CSMD2: variants seen among roughly 807,000 people sequenced by gnomAD.
The protein encoded by CSMD2 is CUB and sushi domain-containing protein 2.
A neutral mutation model predicts 398.5 loss-of-function variants in CSMD2; 130 were observed. The ratio of observed to expected loss-of-function variants is 0.33; its 90% CI spans 0.28 to 0.38. CSMD2 has a LOEUF of 0.38. Among genes scored for constraint, CSMD2 ranks in the 10% least tolerant of loss-of-function variants. CSMD2 has a pLI of 1.00. For synonymous variants in CSMD2, 1,828 were observed against 1,908.5 expected (o/e 0.96, Z 1.10); for missense variants, 3,829 against 4,764.9 (o/e 0.80, Z 5.78).
intron 3 of CSMD2, among the ~76,000 whole-genome samples, chr1:33,990,172 T>C (rs1646501160): frequency 6.6e-6 from 1 of 152,032 alleles, no homozygotes; most frequent in Admixed American, 6.6e-5. Flanking sequence ...CTCAGGAGGC[T>C]GAGGCAGGAG....
At chr1:33,746,314 C>T (rs1248311931) in intron 13 of CSMD2, among the ~76,000 whole-genome samples, 3 of 152,118 alleles carry the variant, frequency 2.0e-5, no homozygotes, top group Non-Finnish European at 4.4e-5. Context: ...GCAGAGGGGG[C>T]AAGTCACAGG....
Position 33,657,983 on chromosome 1 carries a change from G to A in CSMD2, c.4410C>T (p.Asn1470=). ...SAEISCVKIE[N]RFFWQPSPPT... ...GCGGGCTGGGCTGCCAGAAGAACCT[G>A]TTCTCGATCTTCACACAGCTGATCT... The change falls in exon 27 of 71, where the codon AAC becomes AAT. Residue 1470 remains asparagine (N), a synonymous_variant. Transcript: ENST00000373381. The A allele has an allele frequency of 6.2e-7, 1 of 1,614,036 alleles. No individual in the cohort carries two copies. Among genetic ancestry groups the A allele is most frequent in the Non-Finnish European group, 8.5e-7 (1 of 1,179,948 alleles).
At chr1:33,744,350 C>T (rs1390030236) in intron 13 of CSMD2, among the ~76,000 whole-genome samples, 1 of 152,104 alleles carries the variant, frequency 6.6e-6, no homozygotes, top group African/African-American at 2.4e-5. Flanking sequence ...CCCCAAGATG[C>T]CACACTATGC....
chr1:33,900,374 A>AAAG (rs1642667073), intron 5 of CSMD2, among the ~76,000 whole-genome samples: 17 of 152,234 alleles, frequency 1.1e-4, no homozygotes, highest in Admixed American at 1.1e-3. Flanking sequence ...AAAGAGGGGT[A>AAAG]GATCAGGATT....
chr1:33,579,679 T>C (rs372173245), intron 48 of CSMD2, among the ~76,000 whole-genome samples: 1 of 150,066 alleles, frequency 6.7e-6, no homozygotes, highest in Non-Finnish European at 1.5e-5. Flanking sequence ...TCTTTTTTTT[T>C]AATTTTTTTT....
intron 1 of CSMD2, among the ~76,000 whole-genome samples, chr1:34,102,310 G>A (rs1388794834): frequency 6.6e-6 from 1 of 152,178 alleles, no homozygotes; most frequent in Non-Finnish European, 1.5e-5. Context: ...GATTACAGGC[G>A]TGAGCCACCG....
At chr1:33,888,872 A>G (rs12568907) in intron 5 of CSMD2, among the ~76,000 whole-genome samples, 9,835 of 151,968 alleles carry the variant, frequency 0.065, 364 homozygotes, top group Middle Eastern at 0.13. Flanking sequence ...GGTACATGCC[A>G]TTCTCCTGCC....
rs945888438 is a variant in CSMD2 at position 33,852,014 on chromosome 1, C to A, written c.921-5018G>T. Reference sequence around the variant, plus strand: ...CCTTTAAAGATTCAATTCCCGGCTACCTAGTATGTGTTTGGGGTTGGTTAC... The same window carrying A: ...CCTTTAAAGATTCAATTCCCGGCTAACTAGTATGTGTTTGGGGTTGGTTAC... On this transcript the variant is annotated intron_variant, in intron 5 of 70. Coordinates refer to ENST00000373381, the MANE Select transcript of CSMD2 (RefSeq NM_001281956.2). Among the ~76,000 whole-genome samples, 5 of 152,152 alleles carry A rather than the reference C, an allele frequency of 3.3e-5. 1 individual carries two copies. The highest frequency in any genetic ancestry group is 6.8e-3 in the Middle Eastern group (2 of 294).
At chr1:34,090,341 T>C (rs74068044) in intron 1 of CSMD2, among the ~76,000 whole-genome samples, 2,901 of 152,214 alleles carry the variant, frequency 0.019, 48 homozygotes, top group East Asian at 0.052. Flanking sequence ...CATACTCCTT[T>C]CCTGCTCCTG....
chr1:33,983,317 G>T (rs1411795899), intron 3 of CSMD2, among the ~76,000 whole-genome samples: 3 of 152,186 alleles, frequency 2.0e-5, no homozygotes, highest in Admixed American at 6.5e-5. Flanking sequence ...CAATGCAGCA[G>T]GTCTAATCAC....
intron 21 of CSMD2, chr1:33,709,492 TTGTC>T (rs1470375377): frequency 7.6e-6 from 4 of 527,038 alleles, no homozygotes; most frequent in African/African-American, 1.9e-5. Context: ...CTTGTGCTGT[TTGTC>T]TGTCTCTCTC....
rs1406849632 is a variant in CSMD2, at chr1:33,918,059, A to T, written c.920+35T>A. On this transcript the variant is annotated intron_variant, in intron 5 of 70. Transcript: ENST00000373381. ...ATCCCAGTAATTCACAGTTGCAGAG[A>T]ATAGGGTAGGAAAGGAAGGTGATGT... The T allele has an allele frequency of 1.9e-6, 3 of 1,592,722 alleles. No homozygotes were observed. In the African/African-American group the frequency reaches 4.0e-5, roughly 21 times the overall value.
At chr1:34,129,646 T>C (rs1663123733) in intron 1 of CSMD2, among the ~76,000 whole-genome samples, 1 of 152,164 alleles carries the variant, frequency 6.6e-6, no homozygotes. Flanking sequence ...AGCAAGACTC[T>C]GTCTCAAAAA....
Position 33,532,730 on chromosome 1 carries a change from T to C in CSMD2, c.10171+320A>G, listed in dbSNP as rs973477841. On this transcript the variant is annotated intron_variant, in intron 64 of 70. Transcript: ENST00000373381. ...CCCCAAGGGACCTACAGGCGGGTGCTGTTTTATCAAGGGTGCAATATGTGT... is the reference window on the plus strand; with the variant it reads ...CCCCAAGGGACCTACAGGCGGGTGCCGTTTTATCAAGGGTGCAATATGTGT... Among the ~76,000 whole-genome samples, 6 of 152,270 alleles carry C rather than the reference T, an allele frequency of 3.9e-5. No individual in the cohort carries two copies. In the East Asian group the frequency reaches 1.2e-3, roughly 29 times the overall value.
intron 2 of CSMD2, among the ~76,000 whole-genome samples, chr1:34,087,263 C>T (rs1657987155): frequency 6.6e-6 from 1 of 152,014 alleles, no homozygotes; most frequent in Non-Finnish European, 1.5e-5. Context: ...CATCCCTGAC[C>T]ACCCTATAAA....
intron 5 of CSMD2, among the ~76,000 whole-genome samples, chr1:33,892,552 A>G (rs61498307): frequency 0.015 from 2,239 of 152,262 alleles, 58 homozygotes; most frequent in African/African-American, 0.051. Context: ...GCTCCCACTT[A>G]TAAGTGAGAA....
At chr1:33,621,971 C>T (rs531680437) in intron 37 of CSMD2, among the ~76,000 whole-genome samples, 196 bp downstream of exon 37, 1 of 152,324 alleles carries the variant, frequency 6.6e-6, no homozygotes, top group South Asian at 2.1e-4. Flanking sequence ...TTTCGAGTAA[C>T]AGACACTTGG....
intron 15 of CSMD2, among the ~76,000 whole-genome samples, chr1:33,733,704 C>T (rs1646793245): frequency 6.6e-6 from 1 of 152,160 alleles, no homozygotes; most frequent in Admixed American, 6.5e-5. Context: ...TCTGGCATTT[C>T]CCTTGCTTGC....
At chr1:33,552,480 T>G (rs1469100754) in intron 55 of CSMD2, among the ~76,000 whole-genome samples, 1 of 152,204 alleles carries the variant, frequency 6.6e-6, no homozygotes, top group African/African-American at 2.4e-5. Context: ...TAATTCATAA[T>G]AGCTAAAAAA....
Sources: allele counts gnomAD v4.1 joint callset (sites outside exome capture counted in the v4.1 genomes callset), GRCh38; gene constraint gnomAD v4.1.1; transcripts MANE v1.5; gene names NCBI Gene and HGNC (gene_info 2026-07-23, HGNC 2026-07-21).